Variants in COX6C observed in about 807,000 individuals in gnomAD.
COX6C encodes cytochrome c oxidase subunit 6C.
In COX6C, 3 loss-of-function variants were observed where a neutral mutation model predicts 6.9. The ratio of observed to expected loss-of-function variants is 0.43; its 90% CI spans 0.20 to 1.12. The LOEUF (loss-of-function observed/expected upper bound fraction) is 1.12. COX6C is among the 50% of genes most tolerant of loss of function. The pLI, the probability that COX6C is intolerant of heterozygous loss-of-function variation, is 0.27. For synonymous variants in COX6C, 32 were observed against 32.0 expected, an observed-to-expected ratio of 1.00 and a Z score of 0.00; for missense variants, 101 against 97.3, an observed-to-expected ratio of 1.04 and a Z score of -0.16.
intron 1 of COX6C, chr8:99,892,883 G>GC (rs1398615233): frequency 6.6e-6 from 1 of 152,144 alleles, no homozygotes; most frequent in African/African-American, 2.4e-5. Context: ...TTAAACCTTC[G>GC]CGACAACCCT....
Position 99,882,464 on chromosome 8 carries a change from T to C in COX6C, c.*16-4199A>G, listed in dbSNP as rs76574074. On this transcript the variant is annotated intron_variant, in intron 3 of 3. Transcript: ENST00000520468. Reference sequence around the variant, plus strand: ...AAATGTGTTTAAATTAAACAGACTCTTAACAATCAATAAATTAAAAAAGAA... The same window carrying C: ...AAATGTGTTTAAATTAAACAGACTCCTAACAATCAATAAATTAAAAAAGAA... Among the ~76,000 whole-genome samples the C allele has an allele frequency of 3.8e-3, 577 of 152,250 alleles. 27 individuals carry two copies. The East Asian group carries it at 0.094, about 25-fold the overall frequency.
At chr8:99,880,702 A>C (rs968617997) in intron 3 of COX6C, among the ~76,000 whole-genome samples, 1 of 152,086 alleles carries the variant, frequency 6.6e-6, no homozygotes, top group Non-Finnish European at 1.5e-5. Flanking sequence ...CCCCATCTCT[A>C]TAAAATTAAA....
chr8:99,890,383 GTCT>G (rs1019207424), intron 2 of COX6C, among the ~76,000 whole-genome samples: 9 of 152,264 alleles, frequency 5.9e-5, no homozygotes, highest in African/African-American at 2.2e-4. Flanking sequence ...ATCTTGCAAT[GTCT>G]TCTAATTTTT....
intron 2 of COX6C, 36 bp downstream of exon 2, chr8:99,891,872 T>C: frequency 6.3e-7 from 1 of 1,588,938 alleles, no homozygotes. Flanking sequence ...AACACATACT[T>C]TATGACCTTC....
chr8:99,892,086 A>G, intron 1 of COX6C, 34 bp from the exon 2 acceptor site: 1 of 1,294,900 alleles, frequency 7.7e-7, no homozygotes, highest in Non-Finnish European at 1.1e-6. Flanking sequence ...TTAAGTACAG[A>G]GTTTATTTAA....
intron 2 of COX6C, 59 bp from the exon 3 acceptor site, chr8:99,887,677 A>G: frequency 2.6e-6 from 3 of 1,135,510 alleles, no homozygotes; most frequent in Non-Finnish European, 3.8e-6. Flanking sequence ...TAGATTCCAG[A>G]TTATAATATA....
chr8:99,882,949 TTATTTTTTGTA>T (rs1817887660), intron 3 of COX6C, among the ~76,000 whole-genome samples: 1 of 152,056 alleles, frequency 6.6e-6, no homozygotes, highest in Non-Finnish European at 1.5e-5. Context: ...CACACCCACA[TTATTTTTTGTA>T]TTTTTTTTGT....
chr8:99,883,672 T>C (rs1817902839), intron 3 of COX6C, among the ~76,000 whole-genome samples: 1 of 152,082 alleles, frequency 6.6e-6, no homozygotes, highest in Non-Finnish European at 1.5e-5. Context: ...CATTTCCACA[T>C]TCATTCTATA....
chr8:99,879,834 T>C (rs1375734635), intron 3 of COX6C, among the ~76,000 whole-genome samples: 1 of 152,154 alleles, frequency 6.6e-6, no homozygotes, highest in Admixed American at 6.6e-5. Flanking sequence ...ATGGGAACAA[T>C]GGCATAGTTT....
chr8:99,882,105 A>G (rs1172156513), intron 3 of COX6C, among the ~76,000 whole-genome samples: 1 of 152,226 alleles, frequency 6.6e-6, no homozygotes, highest in Non-Finnish European at 1.5e-5. Flanking sequence ...CACTGACAGA[A>G]TTGAAGGGAG....
intron 2 of COX6C, among the ~76,000 whole-genome samples, chr8:99,888,105 T>TA (rs1189294212): frequency 1.5e-5 from 2 of 130,886 alleles, no homozygotes; most frequent in African/African-American, 2.8e-5. Context: ...AAATAAAAAA[T>TA]AAAAAAAAAT....
chr8:99,887,364 A>G, intron 3 of COX6C, 126 bp downstream of exon 3: 1 of 491,832 alleles, frequency 2.0e-6, no homozygotes, highest in Non-Finnish European at 3.5e-6. Flanking sequence ...CCAAATGTGT[A>G]TCACTTCCAC....
chr8:99,886,160 T>TG (rs1817940091), intron 3 of COX6C: 1 of 152,202 alleles, frequency 6.6e-6, no homozygotes, highest in African/African-American at 2.4e-5. Context: ...GAGGCCAAGG[T>TG]GGACGGATCG....
rs1464173253 is a variant in COX6C, at chr8:99,893,643, A to T, written c.-36T>A. On this transcript the variant is annotated 5_prime_UTR_variant, in exon 1 of 4. The change creates a new upstream start codon in the 5' untranslated region. Transcript: ENST00000520468. ...TGCAAAAGGGACCGGACTCACCTCA[A>T]CACCAACGTCCTTCCTGACTAAAGG... The T allele has an allele frequency of 6.6e-6, 1 of 152,312 alleles. No individual in the cohort carries two copies. The highest frequency in any genetic ancestry group is 6.5e-5 in the Admixed American group (1 of 15,292). 9.4% of individuals were successfully genotyped at this position (152,312 alleles called of 1,614,324 possible).
chr8:99,880,779 A>G (rs992511750), intron 3 of COX6C, among the ~76,000 whole-genome samples: 2 of 152,180 alleles, frequency 1.3e-5, no homozygotes, highest in African/African-American at 4.8e-5. Context: ...TATACCAAGC[A>G]GACCAATATA....
At chr8:99,892,115 G>A (rs1818063605) in intron 1 of COX6C, 63 bp from the exon 2 acceptor site, 3 of 885,272 alleles carry the variant, frequency 3.4e-6, no homozygotes, top group Non-Finnish European at 5.3e-6. Context: ...CTTGAGAATG[G>A]CCACCTGGAA....
At position 99,883,469 on chromosome 8, in the gene COX6C, A is replaced by ATT. The variant is rs563313291; in HGVS notation, c.*15+4020_*15+4021insAA. Among the ~76,000 whole-genome samples the ATT allele has an allele frequency of 3.3e-3, 471 of 142,824 alleles. 3 individuals carry two copies. The highest frequency in any genetic ancestry group is 0.011 in the African/African-American group (394 of 36,496). 93.7% of individuals were successfully genotyped at this position (142,824 alleles called of 152,430 possible). A position where few individuals can be genotyped will look rare whatever the true frequency, so the allele number is the denominator to read the frequency against. On this transcript the variant is annotated intron_variant, in intron 3 of 3. Coordinates refer to ENST00000520468, the MANE Select transcript of COX6C (RefSeq NM_004374.4). ...TGTGTGTGTGTATATATATATATAT[A>ATT]TATTTTTTTTTTGGTAGAGATGGGG...
chr8:99,878,897 GGGTTT>G (rs1191061472), intron 3 of COX6C: 1 of 151,902 alleles, frequency 6.6e-6, no homozygotes, highest in Non-Finnish European at 1.5e-5. Flanking sequence ...ACTTTCTAAT[GGGTTT>G]TCCAGGGTCT....
intron 3 of COX6C, among the ~76,000 whole-genome samples, chr8:99,884,959 C>T (rs1403246616): frequency 6.6e-6 from 1 of 152,180 alleles, no homozygotes; most frequent in Non-Finnish European, 1.5e-5. Context: ...CTATCAAAAT[C>T]CCAATGGCAT....
Sources: allele counts gnomAD v4.1 joint callset (sites outside exome capture counted in the v4.1 genomes callset), GRCh38; gene constraint gnomAD v4.1.1; transcripts MANE v1.5; gene names NCBI Gene and HGNC (gene_info 2026-07-23, HGNC 2026-07-21).